The following FAM227B variants were observed in gnomAD, a reference collection of about 807,000 sequenced individuals.
FAM227B encodes the protein family with sequence similarity 227 member B, also known as protein FAM227B.
A neutral mutation model predicts 73.8 loss-of-function variants in FAM227B; 88 were observed. That is an observed-to-expected ratio of 1.19 (90% CI 1.00 to 1.42). The LOEUF is 1.42. Ranked by LOEUF, FAM227B falls within the 40% of genes most tolerant of loss-of-function variation. The pLI is 0.00. For missense variants in FAM227B, 632 were observed against 590.9 expected, an observed-to-expected ratio of 1.07 and a Z score of -0.72; for synonymous variants, 210 against 190.5, an observed-to-expected ratio of 1.10 and a Z score of -0.84.
chr15:49,613,672 G>C (rs1409957731), intron 2 of FAM227B, among the ~76,000 whole-genome samples: 1 of 151,916 alleles, frequency 6.6e-6, no homozygotes, highest in Non-Finnish European at 1.5e-5. Context: ...TGAAATGATG[G>C]ATACCCCACT....
At chr15:49,384,686 G>T (rs1359768304) in intron 11 of FAM227B, among the ~76,000 whole-genome samples, 2 of 151,748 alleles carry the variant, frequency 1.3e-5, no homozygotes, top group Non-Finnish European at 2.9e-5. Flanking sequence ...AATAAGCTGT[G>T]GCACAAAAAT....
At chr15:49,332,739 C>T (rs1180852092) in intron 14 of FAM227B, among the ~76,000 whole-genome samples, 1 of 152,088 alleles carries the variant, frequency 6.6e-6, no homozygotes, top group African/African-American at 2.4e-5. Flanking sequence ...TCTGCAAATC[C>T]CAAATACATG....
rs1298314953 is a variant in FAM227B, at chr15:49,401,072, A to C, written c.1013-29673T>G. ...ATCAGAGTGAACAGGCAACCTACAG[A>C]ATGGGAGAAAATTTTCGCAAACTAC... is the stretch of plus-strand genomic sequence containing the variant. On this transcript the variant is annotated intron_variant, in intron 11 of 15. Coordinates refer to ENST00000299338, the MANE Select transcript of FAM227B (RefSeq NM_152647.3). Among the ~76,000 whole-genome samples, 26 of 152,386 alleles carry C rather than the reference A, an allele frequency of 1.7e-4. No homozygotes were observed. In the South Asian group the frequency reaches 5.4e-3, roughly 32 times the overall value.
intron 11 of FAM227B, among the ~76,000 whole-genome samples, chr15:49,474,886 C>G (rs35715933): frequency 6.6e-6 from 1 of 152,040 alleles, no homozygotes; most frequent in Non-Finnish European, 1.5e-5. Context: ...AACCTCCCCC[C>G]GGCTCCCGTC....
intron 3 of FAM227B, 134 bp downstream of exon 3, chr15:49,611,081 T>C: frequency 1.8e-6 from 1 of 551,640 alleles, no homozygotes; most frequent in Non-Finnish European, 3.3e-6. Context: ...ACATAAGTAT[T>C]TATATACACA....
chr15:49,414,878 C>T (rs1295652003), intron 11 of FAM227B, among the ~76,000 whole-genome samples: 3 of 152,046 alleles, frequency 2.0e-5, no homozygotes, highest in Admixed American at 6.6e-5. Flanking sequence ...ATAGAAATAA[C>T]GTTTAGCTTG....
chr15:49,410,678 A>T (rs2048812730), intron 11 of FAM227B, among the ~76,000 whole-genome samples: 1 of 151,776 alleles, frequency 6.6e-6, no homozygotes, highest in Non-Finnish European at 1.5e-5. Context: ...CTTTTATCTT[A>T]AAAAAAAGGC....
At chr15:49,499,132 C>T (rs2057905514) in intron 11 of FAM227B, among the ~76,000 whole-genome samples, 1 of 122,742 alleles carries the variant, frequency 8.1e-6, no homozygotes, top group African/African-American at 3.1e-5. Flanking sequence ...CGCCACTGCA[C>T]TCCAGCCTGG....
At chr15:49,499,165 C>CAAAAA (rs11355557) in intron 11 of FAM227B, among the ~76,000 whole-genome samples, 81 of 53,008 alleles carry the variant, frequency 1.5e-3, no homozygotes, top group East Asian at 4.3e-3. Flanking sequence ...GACTCCGTCT[C>CAAAAA]AAAAAAAAAA....
chr15:49,505,695 C>G (rs775352640), intron 11 of FAM227B, among the ~76,000 whole-genome samples: 2 of 151,702 alleles, frequency 1.3e-5, no homozygotes, highest in Non-Finnish European at 2.9e-5. Flanking sequence ...AATAGAATGA[C>G]AAAAATATTC....
At chr15:49,541,550 T>A (rs1026510580) in intron 10 of FAM227B, 130 bp downstream of exon 10, 2 of 723,666 alleles carry the variant, frequency 2.8e-6, no homozygotes, top group African/African-American at 3.7e-5. Context: ...TTTTAACACA[T>A]GGGTACTGCT....
chr15:49,494,262 C>CACAT (rs902092614), intron 11 of FAM227B, among the ~76,000 whole-genome samples: 3 of 141,618 alleles, frequency 2.1e-5, no homozygotes, highest in East Asian at 2.3e-4. Context: ...CACAAACACA[C>CACAT]ACACACACAC....
In FAM227B at chr15:49,549,322, T is replaced by TTTTATTTATTTATTTATTTC. The variant is rs71120694; in HGVS notation, c.748-7517_748-7516insGAAATAAATAAATAAATAAA. Among the ~76,000 whole-genome samples the TTTTATTTATTTATTTATTTC allele has an allele frequency of 1.8e-4, 26 of 147,776 alleles. No homozygotes were observed. In the East Asian group the frequency reaches 5.2e-3, roughly 29 times the overall value. On this transcript the variant is annotated intron_variant, in intron 9 of 15. Transcript: ENST00000299338. ...CTTCTCTTATTGATTTGCATATGTA[T>TTTTATTTATTTATTTATTTC]TTTATTTATTTATTTATTTTTATTG...
intron 15 of FAM227B, 84 bp from the exon 16 acceptor site, chr15:49,328,759 A>C: frequency 6.9e-7 from 1 of 1,458,610 alleles, no homozygotes; most frequent in East Asian, 2.5e-5. Context: ...TTCTCCAGTT[A>C]TCAAGAGACT....
chr15:49,554,434 A>G (rs956402211), intron 9 of FAM227B, among the ~76,000 whole-genome samples: 3 of 152,206 alleles, frequency 2.0e-5, no homozygotes, highest in Non-Finnish European at 4.4e-5. Context: ...CAGAATGTGT[A>G]GCCCTCTGTG....
chr15:49,524,422 G>A (rs192853165), intron 10 of FAM227B, among the ~76,000 whole-genome samples: 4 of 152,312 alleles, frequency 2.6e-5, no homozygotes, highest in South Asian at 2.1e-4. Context: ...GTTTGGGAAC[G>A]TCCGCCTAGA....
At chr15:49,599,885 C>T (rs1241662888) in intron 3 of FAM227B, among the ~76,000 whole-genome samples, 1 of 152,044 alleles carries the variant, frequency 6.6e-6, no homozygotes, top group Non-Finnish European at 1.5e-5. Context: ...CATTTTGTTG[C>T]TTTTGGATAG....
intron 11 of FAM227B, among the ~76,000 whole-genome samples, chr15:49,468,486 A>G (rs2054460673): frequency 6.6e-6 from 1 of 152,148 alleles, no homozygotes; most frequent in Non-Finnish European, 1.5e-5. Context: ...TTTAACAGCT[A>G]CAGGGCATGC....
intron 15 of FAM227B, 88 bp from the exon 16 acceptor site, chr15:49,328,763 A>G (rs2037984961): frequency 1.4e-6 from 2 of 1,444,914 alleles, no homozygotes; most frequent in East Asian, 5.1e-5. Context: ...CCAGTTATCA[A>G]GAGACTAAGG....
Sources: gnomAD v4.1 joint callset for allele counts (sites outside exome capture counted in the v4.1 genomes callset) on GRCh38, gnomAD v4.1.1 for gene constraint, MANE v1.5 for transcripts, NCBI Gene and HGNC (gene_info 2026-07-23, HGNC 2026-07-21) for gene names.